OBSL1: variants seen among roughly 807,000 people sequenced by gnomAD.
OBSL1 encodes obscurin like cytoskeletal adaptor 1.
A neutral mutation model predicts 172.0 loss-of-function variants in OBSL1; 160 were observed. That is an observed-to-expected ratio of 0.93 (90% CI 0.82 to 1.06). The LOEUF (loss-of-function observed/expected upper bound fraction) is 1.06, where lower values mean the gene tolerates loss of function less well. Among genes scored for constraint, OBSL1 ranks in the 50% least tolerant of loss-of-function variants. The probability of loss-of-function intolerance (pLI) is 0.00; values close to 1 mark genes in which losing one functional copy is unlikely to be tolerated. For missense variants in OBSL1, 2,681 were observed against 2,715.4 expected (o/e 0.99, Z 0.28); for synonymous variants, 1,200 against 1,196.3 (o/e 1.00, Z -0.06).
chr2:219,554,333 A>G, intron 15 of OBSL1, 141 bp downstream of exon 15: 1 of 1,048,096 alleles, frequency 9.5e-7, no homozygotes, highest in South Asian at 1.5e-5. Flanking sequence ...GGGGGATCAC[A>G]CTCTGGCAGG....
chr2:219,567,987 A>T lies in OBSL1; in HGVS notation c.1283-18T>A, dbSNP rs2292360. The T allele has an allele frequency of 0.44, 701,856 of 1,611,440 alleles. 156,459 individuals are homozygous for T. Among genetic ancestry groups the T allele is most frequent in the East Asian group, 0.5 (22,490 of 44,788 alleles). ...GATGGGCCCTGAGATGCGGACAGGA[A>T]TCCATCAACCTGGAATCTGAGCACC... On this transcript the variant is annotated intron_variant, in intron 2 of 20. Coordinates refer to ENST00000404537, the MANE Select transcript of OBSL1 (RefSeq NM_015311.3).
chr2:219,552,961 G>T lies in OBSL1; in HGVS notation c.5053C>A (p.Leu1685Ile). ...GAGGGGCCGCAGCGTCGCAGCTGGAGAAGGCGGCGCGTGCCGAGGGCCTGG... is the reference window on the plus strand; with the variant it reads ...GAGGGGCCGCAGCGTCGCAGCTGGATAAGGCGGCGCGTGCCGAGGGCCTGG... ...RLQALGTRRL[L>I]QLRRCGPSDA... is the part of the protein sequence containing the mutation. The change falls in exon 17 of 21, where the codon CTC becomes ATC. Residue 1685 changes from leucine (L) to isoleucine (I), a missense_variant. Physicochemically the swap from Leu to Ile is conservative, Grantham distance 5 (BLOSUM62 2). Around this residue, in one of 5 missense-constraint regions of OBSL1, gnomAD observed 1,765 missense variants for 1,748.3 expected, o/e 1.01. Coordinates refer to ENST00000404537, the MANE Select transcript of OBSL1 (RefSeq NM_015311.3). 1 of 1,533,328 alleles carries T rather than the reference G, an allele frequency of 6.5e-7. No homozygotes were observed. Among genetic ancestry groups the T allele is most frequent in the Non-Finnish European group, 8.7e-7 (1 of 1,143,756 alleles). The allele number at this position is 1,533,328 out of a possible 1,614,324, so 95.0% of individuals were successfully genotyped here. A position where few individuals can be genotyped will look rare whatever the true frequency, so the allele number is the denominator to read the frequency against.
At position 219,563,750 on chromosome 2, in the gene OBSL1, G is replaced by A. The variant is rs1265548073; in HGVS notation, c.2408-123C>T. 4 of 1,061,316 alleles carry A rather than the reference G, an allele frequency of 3.8e-6. No individual in the cohort carries two copies. In the African/African-American group the frequency reaches 6.2e-5, roughly 17 times the overall value. 65.7% of individuals were successfully genotyped at this position (1,061,316 alleles called of 1,614,324 possible). ...ACTGGAGGAGGGCTAAGGTCCTGCT[G>A]TGTAGGGACTCAGGGACAATGACAA... On this transcript the variant is annotated intron_variant, in intron 6 of 20. Coordinates refer to ENST00000404537, the MANE Select transcript of OBSL1 (RefSeq NM_015311.3).
Position 219,559,218 on chromosome 2 carries a change from T to A in OBSL1, c.3226+7A>T. The A allele has an allele frequency of 6.3e-7, 1 of 1,594,564 alleles. No homozygotes were observed. Among genetic ancestry groups the A allele is most frequent in the South Asian group, 1.1e-5 (1 of 88,162 alleles). ...TACCTCCTCTCTGTGCTGCAGAGAC[T>A]GCCCACCTGTGACAGTGACAGTGAA... On this transcript the variant is annotated splice_region_variant and intron_variant, in intron 9 of 20. Transcript: ENST00000404537.
Position 219,567,300 on chromosome 2 carries a change from C to T in OBSL1, c.1810G>A (p.Val604Met), listed in dbSNP as rs749138998. 36 of 1,601,922 alleles carry T rather than the reference C, an allele frequency of 2.2e-5. 1 individual carries two copies. The highest frequency in any genetic ancestry group is 3.4e-5 in the Admixed American group (2 of 59,664). The change falls in exon 4 of 21, where the codon GTG (valine) becomes ATG (methionine). Residue 604 changes from valine (V) to methionine (M), a missense_variant. This residue lies in a region of OBSL1 where 53 missense variants were observed against 85.5 expected (regional missense o/e 0.62). Transcript: ENST00000404537. ...TVSGHGRSPH[V>M]VFHGSAHLVP... is the part of the protein sequence containing the mutation. ...AGGTGAGCAGAACCGTGGAACACCA[C>T]GTGGGGACTACGGCCATGTCCGCTG...
At position 219,558,116 on chromosome 2, in the gene OBSL1, G is replaced by A. The variant is rs201241778; in HGVS notation, c.3503-6C>T. The A allele has an allele frequency of 1.1e-4, 181 of 1,612,924 alleles. No individual in the cohort carries two copies. Among genetic ancestry groups the A allele is most frequent in the Middle Eastern group, 1.6e-4 (1 of 6,076 alleles). On this transcript the variant is annotated splice_region_variant and splice_polypyrimidine_tract_variant and intron_variant, in intron 10 of 20. Coordinates refer to ENST00000404537, the MANE Select transcript of OBSL1 (RefSeq NM_015311.3). ...AAGGAACTGCACTGGAGGCTCTGGA[G>A]AAGAGAGGAAGGTGTCATCCCATGC...
rs561384957 is a variant in OBSL1, at chr2:219,565,357, C to T, written c.2292G>A (p.Val764=). ...GACGGTGTTTGCGCCCATCCATCTTCACCACCAGCAACTCGCTCTCCTCCA... is the reference window on the plus strand; with the variant it reads ...GACGGTGTTTGCGCCCATCCATCTTTACCACCAGCAACTCGCTCTCCTCCA... ...QKVEESELLV[V]KMDGRKHRLI... is the part of the protein sequence containing the mutation. Residue 764 remains valine (V), a synonymous_variant, in exon 6 of 21, where the codon GTG becomes GTA. Coordinates refer to ENST00000404537, the MANE Select transcript of OBSL1 (RefSeq NM_015311.3). The T allele has an allele frequency of 2.5e-6, 4 of 1,614,046 alleles. No individual in the cohort carries two copies. The East Asian group carries it at 8.9e-5, about 36-fold the overall frequency.
rs148704467 is a variant in OBSL1 at position 219,556,861 on chromosome 2, C to T, written c.4067-138G>A. On this transcript the variant is annotated intron_variant, in intron 12 of 20. Coordinates refer to ENST00000404537, the MANE Select transcript of OBSL1 (RefSeq NM_015311.3). ...AGGACCTACTATGTATCGACCACAC[C>T]GATGGCCCAAAGGACAAGATGCCAG... The T allele has an allele frequency of 2.9e-3, 2,786 of 944,744 alleles. 26 individuals are homozygous for T. Among genetic ancestry groups the T allele is most frequent in the South Asian group, 0.019 (980 of 52,842 alleles). 58.5% of individuals were successfully genotyped at this position (944,744 alleles called of 1,614,324 possible). A position where few individuals can be genotyped will look rare whatever the true frequency, so the allele number is the denominator to read the frequency against.
At chr2:219,566,120 T>C (rs1258701926) in intron 5 of OBSL1, among the ~76,000 whole-genome samples, 1 of 152,198 alleles carries the variant, frequency 6.6e-6, no homozygotes, top group Admixed American at 6.5e-5. Context: ...TCACTTAACG[T>C]ATCTGCCTGT....
Position 219,559,382 on chromosome 2 carries a change from G to A in OBSL1, c.3069C>T (p.Tyr1023=). ...TCTCCTCCACTTCCAGCCCATCCTTGTACCAGCGCACAGGGGCATCCTCCC... is the reference window on the plus strand; with the variant it reads ...TCTCCTCCACTTCCAGCCCATCCTTATACCAGCGCACAGGGGCATCCTCCC... ...LSREDAPVRW[Y]KDGLEVEESE... Residue 1023 remains tyrosine (Y), a synonymous_variant, in exon 9 of 21, where the codon TAC becomes TAT. Transcript: ENST00000404537. 1 of 1,613,908 alleles carries A rather than the reference G, an allele frequency of 6.2e-7. No homozygotes were observed. The highest frequency in any genetic ancestry group is 8.5e-7 in the Non-Finnish European group (1 of 1,179,884).
At chr2:219,551,428 T>G in intron 20 of OBSL1, 101 bp downstream of exon 20, 1 of 1,404,192 alleles carries the variant, frequency 7.1e-7, no homozygotes. Flanking sequence ...CCAGGACCCG[T>G]TGCCACCCCA....
chr2:219,566,783 C>T (rs754979147), intron 5 of OBSL1, 47 bp downstream of exon 5: 1 of 1,509,750 alleles, frequency 6.6e-7, no homozygotes, highest in Non-Finnish European at 8.9e-7. Flanking sequence ...AACAGGACTT[C>T]TGTGTCTTGA....
chr2:219,547,774 C>T (rs375582524), downstream of OBSL1: 466 of 1,593,872 alleles, frequency 2.9e-4, 5 homozygotes, highest in South Asian at 4.4e-3. Context: ...AGCCAGGCTC[C>T]GTGTGGGGTC....
chr2:219,547,657 C>T (rs1695418691), downstream of OBSL1: 11 of 1,533,628 alleles, frequency 7.2e-6, no homozygotes, highest in East Asian at 2.3e-5. Flanking sequence ...GGCTGCTCTG[C>T]GGGCTGGTGG....
At chr2:219,559,064 G>C (rs1696258700) in intron 9 of OBSL1, 161 bp downstream of exon 9, 2 of 658,832 alleles carry the variant, frequency 3.0e-6, no homozygotes, top group Non-Finnish European at 5.1e-6. Flanking sequence ...CAGGCCTCTG[G>C]TCCTGACCTG....
downstream of OBSL1, chr2:219,550,103 T>C: frequency 2.1e-6 from 1 of 485,916 alleles, no homozygotes; most frequent in Non-Finnish European, 3.7e-6. Flanking sequence ...GGGTTGTGAG[T>C]GTGTTGCCCG....
At chr2:219,554,143 T>C (rs1695834650) in intron 15 of OBSL1, 7 of 442,316 alleles carry the variant, frequency 1.6e-5, no homozygotes, top group Non-Finnish European at 2.9e-5. Flanking sequence ...CGGCAGACAG[T>C]GTAGCCAGTA....
intron 11 of OBSL1, 43 bp downstream of exon 11, chr2:219,557,780 G>T: frequency 1.3e-6 from 2 of 1,539,390 alleles, no homozygotes; most frequent in East Asian, 2.2e-5. Context: ...GCCACTCTCA[G>T]GCTTGGTGCC....
At chr2:219,557,750 A>C in intron 11 of OBSL1, 73 bp downstream of exon 11, 11 of 1,547,120 alleles carry the variant, frequency 7.1e-6, no homozygotes, top group Non-Finnish European at 9.5e-6. Flanking sequence ...GAAAAGCAGG[A>C]ATCCCGCAGA....
Sources: allele counts gnomAD v4.1 joint callset (sites outside exome capture counted in the v4.1 genomes callset), GRCh38; gene constraint gnomAD v4.1.1; regional missense constraint gnomAD v4.1.1; transcripts MANE v1.5; gene names NCBI Gene and HGNC (gene_info 2026-07-23, HGNC 2026-07-21).